Variants in FOXP2 observed in about 807,000 individuals in gnomAD.
The protein encoded by FOXP2 is forkhead box protein P2.
FOXP2 carries 12 observed loss-of-function variants against 115.8 expected under a neutral mutation model. That is an observed-to-expected ratio of 0.10 (90% CI 0.07 to 0.17). FOXP2 has a LOEUF of 0.17. FOXP2 is among the 10% of genes least tolerant of loss of function. The pLI is 1.00. For synonymous variants in FOXP2, 328 were observed against 297.7 expected (o/e 1.10, Z -1.05); for missense variants, 629 against 843.5 (o/e 0.75, Z 3.15).
At chr7:114,164,618 G>A (rs1464232138) in intron 1 of FOXP2, among the ~76,000 whole-genome samples, 2 of 152,022 alleles carry the variant, frequency 1.3e-5, no homozygotes, top group Non-Finnish European at 2.9e-5. Context: ...GGGATTACAG[G>A]CATAAGCCAC....
At chr7:114,433,145 A>C (rs1362709193) in intron 2 of FOXP2, among the ~76,000 whole-genome samples, 1 of 151,994 alleles carries the variant, frequency 6.6e-6, no homozygotes, top group East Asian at 1.9e-4. Flanking sequence ...AACAGGTAAA[A>C]GAAAAGATTG....
intron 2 of FOXP2, among the ~76,000 whole-genome samples, chr7:114,309,855 G>A (rs1797104133): frequency 6.6e-6 from 1 of 150,464 alleles, no homozygotes; most frequent in Admixed American, 6.6e-5. Flanking sequence ...TTTAGATATG[G>A]GGGCTTGCTA....
At chr7:114,367,082 T>G (rs574519700) in intron 2 of FOXP2, among the ~76,000 whole-genome samples, 1 of 152,272 alleles carries the variant, frequency 6.6e-6, no homozygotes, top group Non-Finnish European at 1.5e-5. Context: ...CTGTGTGTTT[T>G]ATATAATATC....
At chr7:114,330,770 A>G (rs1273449731) in intron 2 of FOXP2, among the ~76,000 whole-genome samples, 1 of 152,098 alleles carries the variant, frequency 6.6e-6, no homozygotes, top group Non-Finnish European at 1.5e-5. Flanking sequence ...ATATAAGGAA[A>G]AAACAGTAAA....
rs187917966 is a variant in FOXP2, at chr7:114,205,695, T to C, written c.-102+42607T>C. On this transcript the variant is annotated intron_variant, in intron 1 of 17. Transcript: ENST00000634411. The stretch of plus-strand genomic sequence containing the variant: ...TGGAAGGGAAAGAAAGAAAGCAGAA[T>C]TGGGGAGAGGGATGTAGTTTCAATG... Among the ~76,000 whole-genome samples the C allele has an allele frequency of 4.6e-5, 7 of 152,138 alleles. No individual in the cohort carries two copies. In the East Asian group the frequency reaches 5.8e-4, roughly 13 times the overall value.
intron 10 of FOXP2, among the ~76,000 whole-genome samples, chr7:114,657,764 C>T (rs1473046160): frequency 6.6e-6 from 1 of 152,090 alleles, no homozygotes; most frequent in African/African-American, 2.4e-5. Context: ...CAGGGGCAGT[C>T]GATAATCAGC....
intron 1 of FOXP2, among the ~76,000 whole-genome samples, chr7:114,192,775 G>C (rs1488085531): frequency 6.6e-6 from 1 of 152,104 alleles, no homozygotes; most frequent in Non-Finnish European, 1.5e-5. Context: ...ATAGAAGACA[G>C]ATTCTAATTA....
At chr7:114,642,650 T>C (rs758409036) in intron 7 of FOXP2, 27 bp downstream of exon 7, 1 of 1,592,356 alleles carries the variant, frequency 6.3e-7, no homozygotes, top group South Asian at 1.1e-5. Flanking sequence ...TTATTCTATA[T>C]TTATCTATTT....
intron 2 of FOXP2, among the ~76,000 whole-genome samples, chr7:114,433,724 G>C (rs1422462068): frequency 6.6e-6 from 1 of 151,844 alleles, no homozygotes; most frequent in Non-Finnish European, 1.5e-5. Context: ...TTTGACTATG[G>C]ATATATGTAT....
In FOXP2 at chr7:114,414,891, C is replaced by G. The variant is rs987128553; in HGVS notation, c.-480C>G. 1 of 353,562 alleles carries G rather than the reference C, an allele frequency of 2.8e-6. No homozygotes were observed. The highest frequency in any genetic ancestry group is 5.6e-6 in the Non-Finnish European group (1 of 178,644). The allele number at this position is 353,562 out of a possible 1,614,324, so 21.9% of individuals were successfully genotyped here. A position where few individuals can be genotyped will look rare whatever the true frequency, so the allele number is the denominator to read the frequency against. On this transcript the variant is annotated 5_prime_UTR_variant, in exon 1 of 17. Transcript: ENST00000350908. The stretch of plus-strand genomic sequence containing the variant: ...TCTCTCTCTCTCTGTCTTTCTCTCT[C>G]TCACACACACACTCACACACTCACA...
intron 2 of FOXP2, among the ~76,000 whole-genome samples, chr7:114,352,216 A>G (rs1252528771): frequency 6.6e-6 from 1 of 152,106 alleles, no homozygotes; most frequent in Non-Finnish European, 1.5e-5. Context: ...ACAATGAGCC[A>G]TGGTCACACC....
chr7:114,141,584 C>T (rs1323616400), intron 1 of FOXP2, among the ~76,000 whole-genome samples: 1 of 152,200 alleles, frequency 6.6e-6, no homozygotes, highest in Non-Finnish European at 1.5e-5. Context: ...ATCCCTTCCA[C>T]CCTCAGGGTG....
chr7:114,569,623 C>T (rs1276369206), intron 3 of FOXP2, among the ~76,000 whole-genome samples: 1 of 151,834 alleles, frequency 6.6e-6, no homozygotes, highest in East Asian at 1.9e-4. Flanking sequence ...TGAATTCTGG[C>T]AGCAAAATAC....
chr7:114,608,042 A>G (rs1335983186), intron 3 of FOXP2, among the ~76,000 whole-genome samples: 1 of 152,214 alleles, frequency 6.6e-6, no homozygotes, highest in Non-Finnish European at 1.5e-5. Context: ...TGTTAACCCT[A>G]ATACTTCATG....
At chr7:114,183,640 C>T (rs1282260919) in intron 1 of FOXP2, among the ~76,000 whole-genome samples, 1 of 152,062 alleles carries the variant, frequency 6.6e-6, no homozygotes, top group Non-Finnish European at 1.5e-5. Flanking sequence ...AATTGTAGAA[C>T]AGTTATAAAT....
At chr7:114,331,050 C>A (rs1797696591) in intron 2 of FOXP2, among the ~76,000 whole-genome samples, 1 of 152,140 alleles carries the variant, frequency 6.6e-6, no homozygotes. Context: ...TAAGTGAAGT[C>A]CATGATGAAG....
chr7:114,292,705 A>G (rs1200612531), intron 2 of FOXP2, among the ~76,000 whole-genome samples: 3 of 152,038 alleles, frequency 2.0e-5, no homozygotes, highest in African/African-American at 7.2e-5. Flanking sequence ...ATCTTACCCT[A>G]TCATAGTCAA....
chr7:114,191,724 C>A (rs1297047757), intron 1 of FOXP2, among the ~76,000 whole-genome samples: 1 of 152,154 alleles, frequency 6.6e-6, no homozygotes. Context: ...TAACACCTTG[C>A]ATTAGGTACA....
intron 3 of FOXP2, among the ~76,000 whole-genome samples, chr7:114,608,868 A>G (rs1213833853): frequency 1.6e-4 from 25 of 152,168 alleles, no homozygotes; most frequent in Non-Finnish European, 3.7e-4. Context: ...TCACTACCAG[A>G]TGCAGAAGTT....
Sources: allele counts gnomAD v4.1 joint callset (sites outside exome capture counted in the v4.1 genomes callset), GRCh38; gene constraint gnomAD v4.1.1; transcripts MANE v1.5; gene names NCBI Gene and HGNC (gene_info 2026-07-23, HGNC 2026-07-21).